Variants in DLAT observed in about 807,000 individuals in gnomAD.
DLAT encodes dihydrolipoamide S-acetyltransferase.
DLAT carries 43 observed loss-of-function variants against 68.0 expected under a neutral mutation model. The ratio of observed to expected loss-of-function variants is 0.63; its 90% CI spans 0.50 to 0.81. The LOEUF (loss-of-function observed/expected upper bound fraction) is 0.81. Among genes scored for constraint, DLAT ranks in the 40% least tolerant of loss-of-function variants. The pLI, the probability that DLAT is intolerant of heterozygous loss-of-function variation, is 0.00. For synonymous variants in DLAT, 265 were observed against 288.6 expected, an observed-to-expected ratio of 0.92 and a Z score of 0.83; for missense variants, 745 against 815.4, an observed-to-expected ratio of 0.91 and a Z score of 1.05.
At position 112,062,786 on chromosome 11, in the gene DLAT, G is replaced by A. The variant is rs587638026; in HGVS notation, c.*251G>A. 1 of 442,236 alleles carries A rather than the reference G, an allele frequency of 2.3e-6. No individual in the cohort carries two copies. Among genetic ancestry groups the A allele is most frequent in the East Asian group, 4.8e-5 (1 of 20,962 alleles). The allele number at this position is 442,236 out of a possible 1,614,324, so 27.4% of individuals were successfully genotyped here. On this transcript the variant is annotated 3_prime_UTR_variant, in exon 14 of 14. Transcript: ENST00000280346. ...CTCCTAATTAAGGGACATGTATGTG[G>A]CCTTGCCTAGCCCTTTGGTGATAAG...
rs66865041 is a variant in DLAT, at chr11:112,055,235, ATTTTTTTTT to A, written c.1514+3904_1514+3912del. 1.3e-4 allele frequency among the ~76,000 whole-genome samples: 10 copies of A among 75,442 alleles called. No homozygotes were observed. The South Asian group carries it at 1.5e-3, about 12-fold the overall frequency. 49.5% of individuals were successfully genotyped at this position (75,442 alleles called of 152,430 possible). ...GTCTTCCGTAATTCAGTCAAGGCCTATTTTTTTTTTTTTTTTTTTTTTTTTTGAGATGGA... is the reference window on the plus strand; with the variant it reads ...GTCTTCCGTAATTCAGTCAAGGCCTATTTTTTTTTTTTTTTTTGAGATGGA... On this transcript the variant is annotated intron_variant, in intron 11 of 13. Transcript: ENST00000280346.
chr11:112,051,375 A>G lies in DLAT; in HGVS notation c.1514+26A>G. 1 of 1,479,498 alleles carries G rather than the reference A, an allele frequency of 6.8e-7. No individual in the cohort carries two copies. Among genetic ancestry groups the G allele is most frequent in the South Asian group, 1.1e-5 (1 of 88,366 alleles). 91.6% of individuals were successfully genotyped at this position (1,479,498 alleles called of 1,614,324 possible). ...GTAAGTATAACTGGGGAAGATATAT[A>G]TCCATCGGTAGTTTTCTTGTATTAT... On this transcript the variant is annotated intron_variant, in intron 11 of 13. Transcript: ENST00000280346. This position sits in a 1 kb window ranked among gnomAD's most constrained non-coding sequence, Gnocchi z 4.3.
In DLAT at chr11:112,043,447, A is replaced by T. The variant is rs1163183203; in HGVS notation, c.1130-19A>T. 6.2e-7 allele frequency: 1 copy of T among 1,609,846 alleles called. No individual in the cohort carries two copies. The highest frequency in any genetic ancestry group is 8.5e-7 in the Non-Finnish European group (1 of 1,176,106). On this transcript the variant is annotated intron_variant, in intron 7 of 13. Coordinates refer to ENST00000280346, the MANE Select transcript of DLAT (RefSeq NM_001931.5). ...CCAATGGTATGTCATCATGTATGTGATATTTATGTCTCTTACAGGGACAGG... is the reference window on the plus strand; with the variant it reads ...CCAATGGTATGTCATCATGTATGTGTTATTTATGTCTCTTACAGGGACAGG...
In DLAT at chr11:112,026,304, G is replaced by GTT. The variant is rs5794771; in HGVS notation, c.381+21_381+22dup. Reference sequence around the variant, plus strand: ...GAAGGTGACCTAATTGCAGAGGTAAGTTTTTTTTTTTTTTTTTAATTAATT... The same window carrying GTT: ...GAAGGTGACCTAATTGCAGAGGTAAGTTTTTTTTTTTTTTTTTTTAATTAATT... On this transcript the variant is annotated splice_donor_region_variant and intron_variant, in intron 2 of 13. Transcript: ENST00000280346. 0.014 allele frequency: 14,043 copies of GTT among 1,014,082 alleles called. No homozygotes were observed. Among genetic ancestry groups the GTT allele is most frequent in the Middle Eastern group, 0.016 (47 of 2,958 alleles). The allele number at this position is 1,014,082 out of a possible 1,614,324, so 62.8% of individuals were successfully genotyped here.
intron 11 of DLAT, among the ~76,000 whole-genome samples, chr11:112,057,499 T>C (rs1864169806): frequency 6.6e-6 from 1 of 152,220 alleles, no homozygotes; most frequent in South Asian, 2.1e-4. Context: ...AACACACGAA[T>C]GATAAGAAAG....
Position 112,062,844 on chromosome 11 carries a change from T to C in DLAT, c.*309T>C, listed in dbSNP as rs1311945106. The C allele has an allele frequency of 4.3e-5, 15 of 346,902 alleles. No homozygotes were observed. Among genetic ancestry groups the C allele is most frequent in the African/African-American group, 1.7e-4 (8 of 47,190 alleles). 21.5% of individuals were successfully genotyped at this position (346,902 alleles called of 1,614,324 possible). On this transcript the variant is annotated 3_prime_UTR_variant, in exon 14 of 14. Transcript: ENST00000280346. Reference sequence around the variant, plus strand: ...TCTAGGAAATGTACGATAGGTAGAATTGTGGTTCCCTAAAGACAAGTACAT... The same window carrying C: ...TCTAGGAAATGTACGATAGGTAGAACTGTGGTTCCCTAAAGACAAGTACAT...
chr11:112,062,712 CA>C lies in DLAT; in HGVS notation c.*180del. On this transcript the variant is annotated 3_prime_UTR_variant, in exon 14 of 14. Transcript: ENST00000280346. ...GAATTTTTAAAATGCCGATTACACC[CA>C]AATATTGTGCACATTTAATAATCAG... is the stretch of plus-strand genomic sequence containing the variant. 1.5e-6 allele frequency: 1 copy of C among 686,822 alleles called. No homozygotes were observed. The highest frequency in any genetic ancestry group is 2.7e-5 in the Admixed American group (1 of 37,614). 42.5% of individuals were successfully genotyped at this position (686,822 alleles called of 1,614,324 possible). A position where few individuals can be genotyped will look rare whatever the true frequency, so the allele number is the denominator to read the frequency against.
At chr11:112,046,819 T>C (rs932952731) in intron 10 of DLAT, among the ~76,000 whole-genome samples, 1 of 152,166 alleles carries the variant, frequency 6.6e-6, no homozygotes, top group Admixed American at 6.5e-5. Flanking sequence ...TATGGCTGCA[T>C]AGTATTCCAT....
At position 112,045,940 on chromosome 11, in the gene DLAT, A is replaced by G. The variant is rs782104121; in HGVS notation, c.1368A>G (p.Glu456=). The change falls in exon 10 of 14, where the codon GAA becomes GAG. Residue 456 remains glutamate (E), a synonymous_variant. Transcript: ENST00000280346. ...TTTCTATCGATGTAAATATGGGAGAAGTTTTGTTGGTACGGAAAGAACTTA... is the reference window on the plus strand; with the variant it reads ...TTTCTATCGATGTAAATATGGGAGAGGTTTTGTTGGTACGGAAAGAACTTA... ...YYLSIDVNMG[E]VLLVRKELNK... 1 of 1,608,848 alleles carries G rather than the reference A, an allele frequency of 6.2e-7. No homozygotes were observed. Among genetic ancestry groups the G allele is most frequent in the Admixed American group, 1.7e-5 (1 of 60,020 alleles).
intron 11 of DLAT, among the ~76,000 whole-genome samples, chr11:112,055,308 A>G (rs930936260): frequency 7.0e-6 from 1 of 142,164 alleles, no homozygotes; most frequent in African/African-American, 2.7e-5. Flanking sequence ...CAGTGGCGCA[A>G]TCTCGGCTCA....
At chr11:112,040,419 G>A (rs1402649574) in intron 7 of DLAT, among the ~76,000 whole-genome samples, 2 of 152,166 alleles carry the variant, frequency 1.3e-5, no homozygotes, top group African/African-American at 2.4e-5. Context: ...AAGTTGCAGT[G>A]TAACTCTAGA....
intron 5 of DLAT, among the ~76,000 whole-genome samples, chr11:112,034,460 TGAGA>T (rs1371771214): frequency 3.2e-4 from 48 of 151,446 alleles, no homozygotes; most frequent in African/African-American, 1.1e-3. Context: ...TTTTTTTTTT[TGAGA>T]CGGAGTCTCG....
intron 4 of DLAT, among the ~76,000 whole-genome samples, chr11:112,029,632 G>A (rs1311468027): frequency 6.6e-6 from 1 of 151,494 alleles, no homozygotes; most frequent in East Asian, 1.9e-4. Flanking sequence ...CTCTAACATT[G>A]GGGATCATAT....
intron 10 of DLAT, among the ~76,000 whole-genome samples, chr11:112,046,774 T>C (rs1171219819): frequency 6.6e-6 from 1 of 151,994 alleles, no homozygotes; most frequent in Non-Finnish European, 1.5e-5. Context: ...GCTTCATCCA[T>C]GTCCCTGCAA....
chr11:112,033,417 C>T lies in DLAT; in HGVS notation c.674C>T (p.Ala225Val). ...YPPHMQVLLP[A>V]LSPTMTMGTV... is the part of the protein sequence containing the mutation. ...TTGTTTCTGCAGGTACTTCTTCCTG[C>T]CCTCTCTCCCACCATGACCATGGGC... Residue 225 changes from alanine (A) to valine (V), a missense_variant, in exon 5 of 14, where the codon GCC becomes GTC. By Grantham distance (64) the Ala-to-Val change is moderately conservative. Transcript: ENST00000280346. The T allele has an allele frequency of 6.2e-7, 1 of 1,613,626 alleles. No homozygotes were observed. Among genetic ancestry groups the T allele is most frequent in the Non-Finnish European group, 8.5e-7 (1 of 1,179,770 alleles).
At chr11:112,050,600 G>C (rs1555181885) in intron 10 of DLAT, among the ~76,000 whole-genome samples, 1 of 152,000 alleles carries the variant, frequency 6.6e-6, no homozygotes, top group Non-Finnish European at 1.5e-5. Context: ...GTTCAGTTTT[G>C]GTAGCTTGTG....
chr11:112,062,038 G>A (rs782524809), intron 13 of DLAT, among the ~76,000 whole-genome samples: 1 of 152,178 alleles, frequency 6.6e-6, no homozygotes, highest in Non-Finnish European at 1.5e-5. Flanking sequence ...TCTAGGTGAG[G>A]AGTCAGCATG....
At chr11:112,058,921 TC>T (rs1184936970) in intron 11 of DLAT, among the ~76,000 whole-genome samples, 1 of 152,104 alleles carries the variant, frequency 6.6e-6, no homozygotes, top group African/African-American at 2.4e-5. Context: ...CAGTATAGTT[TC>T]TCTCTTTTTT....
intron 10 of DLAT, among the ~76,000 whole-genome samples, chr11:112,049,218 T>TTGC (rs1555181770): frequency 6.6e-6 from 1 of 152,150 alleles, no homozygotes; most frequent in East Asian, 1.9e-4. Context: ...TCTGAGTCCC[T>TTGC]TGCAATTCTA....
Sources: gnomAD v4.1 joint callset for allele counts (sites outside exome capture counted in the v4.1 genomes callset) on GRCh38, gnomAD v4.1.1 for gene constraint, Gnocchi (gnomAD v3.1) non-coding constraint, MANE v1.5 for transcripts, NCBI Gene and HGNC (gene_info 2026-07-23, HGNC 2026-07-21) for gene names.